The following TTLL13 variants were observed in gnomAD, a reference collection of about 807,000 sequenced individuals.
The protein encoded by TTLL13 is tubulin tyrosine ligase like 13, also known as tubulin polyglutamylase TTLL13.
chr15:90,250,934 C>T, the TTLL13 span: 1 of 1,587,300 alleles, frequency 6.3e-7, no homozygotes, highest in Non-Finnish European at 8.6e-7. Flanking sequence ...CAGGGAGTCA[C>T]CCATTGGCCT....
the TTLL13 span, among the ~76,000 whole-genome samples, chr15:90,254,729 C>T: frequency 6.6e-6 from 1 of 151,932 alleles, no homozygotes; most frequent in African/African-American, 2.4e-5. Flanking sequence ...TGCTTTAGTC[C>T]CAGCCACTTG....
At chr15:90,265,443 G>C in the TTLL13 span, 1 of 1,328,116 alleles carries the variant, frequency 7.5e-7, no homozygotes, top group Non-Finnish European at 9.6e-7. Context: ...CTTGGAAACG[G>C]AATCCGTACT....
the TTLL13 span, chr15:90,258,391 TG>T: frequency 1.2e-6 from 1 of 847,380 alleles, no homozygotes; most frequent in East Asian, 2.4e-5. Context: ...AGCCCTGGGG[TG>T]GGCAGGAATG....
chr15:90,264,909 CG>C, the TTLL13 span: 1 of 1,536,102 alleles, frequency 6.5e-7, no homozygotes, highest in Non-Finnish European at 8.7e-7. Flanking sequence ...CTCTGCCCTG[CG>C]TCTGCACCCA....
chr15:90,256,086 C>A, the TTLL13 span: 1 of 1,596,640 alleles, frequency 6.3e-7, no homozygotes, highest in Non-Finnish European at 8.5e-7. Context: ...TCCATGCGGC[C>A]CCGGGAAAGC....
the TTLL13 span, among the ~76,000 whole-genome samples, chr15:90,250,169 G>C: frequency 1.1e-4 from 16 of 151,968 alleles, no homozygotes; most frequent in African/African-American, 3.9e-4. Flanking sequence ...GTGCTAGCCA[G>C]GCTGCTCTCC....
the TTLL13 span, chr15:90,263,273 G>A: frequency 1.2e-6 from 1 of 833,740 alleles, no homozygotes; most frequent in Non-Finnish European, 1.8e-6. Flanking sequence ...AAAGCAGAGT[G>A]CGCTAGCTGG....
the TTLL13 span, chr15:90,255,977 A>G: frequency 4.0e-5 from 63 of 1,591,116 alleles, no homozygotes; most frequent in African/African-American, 7.4e-4. Context: ...AATGTCTCAG[A>G]GGGATGGAAG....
At chr15:90,257,369 C>A in the TTLL13 span, 1 of 1,496,676 alleles carries the variant, frequency 6.7e-7, no homozygotes, top group South Asian at 1.3e-5. Flanking sequence ...TTGTCACTGT[C>A]ACCAAAGAAC....
the TTLL13 span, chr15:90,262,717 G>C: frequency 7.0e-7 from 1 of 1,431,596 alleles, no homozygotes; most frequent in South Asian, 1.5e-5. Context: ...AAATGGGTTG[G>C]GACAACTAGA....
the TTLL13 span, among the ~76,000 whole-genome samples, chr15:90,250,045 C>T: frequency 6.6e-6 from 1 of 151,126 alleles, no homozygotes; most frequent in Admixed American, 6.6e-5. Flanking sequence ...GCAACCTCCA[C>T]CTCCCAGGTT....
chr15:90,261,380 C>CTT, the TTLL13 span, among the ~76,000 whole-genome samples: 8 of 141,394 alleles, frequency 5.7e-5, no homozygotes, highest in Admixed American at 7.0e-5. Flanking sequence ...TGCCCGGCCA[C>CTT]TTTTTTTTTT....
At chr15:90,253,000 AAAACAAAC>A in the TTLL13 span, among the ~76,000 whole-genome samples, 12 of 152,260 alleles carry the variant, frequency 7.9e-5, no homozygotes, top group Admixed American at 6.5e-4. Flanking sequence ...CCGTCTCTAA[AAAACAAAC>A]AAACAAACAA....
the TTLL13 span, chr15:90,255,614 T>C: frequency 6.5e-6 from 8 of 1,222,952 alleles, no homozygotes; most frequent in Non-Finnish European, 9.4e-6. Context: ...ATGTTTGCCC[T>C]TGGGGTCCTT....
the TTLL13 span, chr15:90,264,648 C>T: frequency 6.7e-7 from 1 of 1,494,002 alleles, no homozygotes; most frequent in Admixed American, 2.1e-5. Flanking sequence ...GTAATTGGGC[C>T]ACAGTTGGGA....
chr15:90,264,053 C>G, the TTLL13 span: 3 of 1,532,568 alleles, frequency 2.0e-6, no homozygotes, highest in Non-Finnish European at 2.6e-6. Context: ...ATCAGGCTCA[C>G]TAGCCGTAAG....
chr15:90,256,244 C>A, the TTLL13 span: 7 of 1,614,030 alleles, frequency 4.3e-6, no homozygotes, highest in African/African-American at 5.3e-5. Flanking sequence ...TACCCGAAAT[C>A]CCCGGGAGAT....
the TTLL13 span, chr15:90,257,420 G>C: frequency 1.8e-5 from 24 of 1,316,694 alleles, no homozygotes; most frequent in Non-Finnish European, 2.5e-5. Flanking sequence ...CTAGCTGGGA[G>C]GCAAGTGTTT....
At chr15:90,251,112 G>GTTTTTTTTTTT in the TTLL13 span, among the ~76,000 whole-genome samples, 6 of 97,124 alleles carry the variant, frequency 6.2e-5, no homozygotes, top group South Asian at 3.6e-4. Flanking sequence ...ATCCTGGTCT[G>GTTTTTTTTTTT]TCTTTTTTTT....
Sources: gnomAD v4.1 joint callset for allele counts (sites outside exome capture counted in the v4.1 genomes callset) on GRCh38, gnomAD v4.1.1 for gene constraint, MANE v1.5 for transcripts, NCBI Gene and HGNC (gene_info 2026-07-23, HGNC 2026-07-21) for gene names.